Variants in CHRM3 observed in about 807,000 individuals in gnomAD.
The protein encoded by CHRM3 is muscarinic acetylcholine receptor M3.
Under a neutral mutation model 41.8 loss-of-function variants are expected in CHRM3, and 11 were observed. That is an observed-to-expected ratio of 0.26 (90% CI 0.17 to 0.44). The LOEUF (loss-of-function observed/expected upper bound fraction) is 0.44. CHRM3 is among the 20% of genes least tolerant of loss of function. The pLI is 1.00. For missense variants in CHRM3, 571 were observed against 745.4 expected (o/e 0.77, Z 2.72); for synonymous variants, 297 against 301.4 (o/e 0.99, Z 0.15).
rs61834718 is a variant in CHRM3, at chr1:239,458,026, G to A, written c.-520-34683G>A. Among the ~76,000 whole-genome samples, 162 of 151,818 alleles carry A rather than the reference G, an allele frequency of 1.1e-3. 2 individuals carry two copies. The East Asian group carries it at 0.027, about 25-fold the overall frequency. ...GTACTTGTGTTGTTCAGGAAAGTAC[G>A]TGCCACAGGCCACAGTGATAGCTGA... On this transcript the variant is annotated intron_variant, in intron 1 of 6. Transcript: ENST00000676153.
chr1:239,436,769 T>C (rs1016810116), intron 1 of CHRM3, among the ~76,000 whole-genome samples: 1 of 152,108 alleles, frequency 6.6e-6, no homozygotes, highest in Non-Finnish European at 1.5e-5. Flanking sequence ...GGCAAAGATA[T>C]TCATTTTAGT....
chr1:239,446,037 A>G (rs1664106137), intron 1 of CHRM3, among the ~76,000 whole-genome samples: 1 of 152,002 alleles, frequency 6.6e-6, no homozygotes, highest in South Asian at 2.1e-4. Context: ...TCCCGGGTTC[A>G]AGCAATTCTC....
chr1:239,841,469 ATAGAGAGTAAAACTCTAT>A, intron 6 of CHRM3, among the ~76,000 whole-genome samples: 1 of 152,204 alleles, frequency 6.6e-6, no homozygotes, highest in South Asian at 2.1e-4. Context: ...AGGAGGAAAA[ATAGAGAGTAAAACTCTAT>A]TACCTGTTGA....
At chr1:239,490,454 G>T (rs1479788194) in intron 1 of CHRM3, among the ~76,000 whole-genome samples, 1 of 152,186 alleles carries the variant, frequency 6.6e-6, no homozygotes, top group African/African-American at 2.4e-5. Flanking sequence ...TCTGTTAGAA[G>T]TAGAGGCTTC....
chr1:239,436,287 C>T (rs1381700343), intron 1 of CHRM3, among the ~76,000 whole-genome samples: 3 of 152,056 alleles, frequency 2.0e-5, no homozygotes, highest in Admixed American at 6.5e-5. Context: ...TCTGAGCTCC[C>T]GCATCTGAGG....
At chr1:239,433,032 C>T (rs1662949970) in intron 1 of CHRM3, among the ~76,000 whole-genome samples, 1 of 152,136 alleles carries the variant, frequency 6.6e-6, no homozygotes, top group Non-Finnish European at 1.5e-5. Flanking sequence ...CAGCTCAGCG[C>T]TGTGTTTTCA....
chr1:239,482,688 C>T (rs1418271167), intron 1 of CHRM3, among the ~76,000 whole-genome samples: 1 of 152,114 alleles, frequency 6.6e-6, no homozygotes, highest in East Asian at 1.9e-4. Context: ...ATTGCAATGG[C>T]TGGTTTGTCT....
rs186590210 is a variant in CHRM3 at position 239,814,416 on chromosome 1, G to A, written c.-146-12836G>A. The stretch of plus-strand genomic sequence containing the variant: ...AATGGTCATGAGTCACATCAAAGCT[G>A]CCTGGGGCTGGAGATGAATGTAACA... On this transcript the variant is annotated intron_variant, in intron 5 of 6. Transcript: ENST00000676153. 6.3e-3 allele frequency among the ~76,000 whole-genome samples: 965 copies of A among 152,250 alleles called. 4 individuals carry two copies. Among genetic ancestry groups the A allele is most frequent in the Non-Finnish European group, 0.01 (687 of 68,014 alleles).
intron 6 of CHRM3, among the ~76,000 whole-genome samples, chr1:239,888,544 G>C (rs1410055129): frequency 6.6e-6 from 1 of 150,646 alleles, no homozygotes; most frequent in East Asian, 2.0e-4. Flanking sequence ...GTTGCAGTGA[G>C]CCATGATCGC....
chr1:239,639,625 CTT>C (rs1389319682), intron 4 of CHRM3, among the ~76,000 whole-genome samples: 1 of 151,440 alleles, frequency 6.6e-6, no homozygotes, highest in Non-Finnish European at 1.5e-5. Context: ...TATCCTGAGA[CTT>C]TGCTGAAGTT....
chr1:239,486,370 T>A (rs1057423344), intron 1 of CHRM3, among the ~76,000 whole-genome samples: 1 of 152,164 alleles, frequency 6.6e-6, no homozygotes, highest in African/African-American at 2.4e-5. Flanking sequence ...GCTCTCAACT[T>A]GTACCGCCAC....
intron 1 of CHRM3, among the ~76,000 whole-genome samples, chr1:239,484,747 T>G (rs927577863): frequency 6.6e-6 from 1 of 152,078 alleles, no homozygotes; most frequent in Non-Finnish European, 1.5e-5. Context: ...AGGACAGTGG[T>G]GGGCATTGTG....
intron 5 of CHRM3, among the ~76,000 whole-genome samples, chr1:239,736,809 A>G (rs1364497207): frequency 1.3e-5 from 2 of 152,162 alleles, no homozygotes; most frequent in African/African-American, 4.8e-5. Flanking sequence ...AGTAACTTGT[A>G]AAGAATTTGC....
At chr1:239,585,682 T>G (rs1221199651) in intron 3 of CHRM3, among the ~76,000 whole-genome samples, 1 of 152,210 alleles carries the variant, frequency 6.6e-6, no homozygotes, top group East Asian at 1.9e-4. Context: ...GACTGAATAT[T>G]GTAAAAGTCA....
At chr1:239,777,449 T>G (rs550243150) in intron 5 of CHRM3, among the ~76,000 whole-genome samples, 1 of 152,220 alleles carries the variant, frequency 6.6e-6, no homozygotes. Flanking sequence ...TATAAAAATT[T>G]GTTCTGGAAG....
intron 6 of CHRM3, among the ~76,000 whole-genome samples, chr1:239,898,589 A>T (rs1244682565): frequency 2.0e-5 from 3 of 152,192 alleles, no homozygotes; most frequent in African/African-American, 4.8e-5. Context: ...TTAAAAAAAT[A>T]ATTATTATTA....
At chr1:239,632,352 A>G (rs538040324) in intron 4 of CHRM3, 66 bp downstream of exon 4, 1 of 152,352 alleles carries the variant, frequency 6.6e-6, no homozygotes, top group African/African-American at 2.4e-5. Flanking sequence ...ATCTGTGAGA[A>G]CAGATTAACA....
chr1:239,797,558 G>A (rs868650098), intron 5 of CHRM3, among the ~76,000 whole-genome samples: 4 of 152,076 alleles, frequency 2.6e-5, no homozygotes, highest in Admixed American at 2.0e-4. Flanking sequence ...AGTGTGTAGC[G>A]TACAAAAGAG....
At chr1:239,839,456 G>A (rs145897456) in intron 6 of CHRM3, among the ~76,000 whole-genome samples, 38 of 152,294 alleles carry the variant, frequency 2.5e-4, no homozygotes, top group African/African-American at 8.9e-4. Context: ...GAAAGTATGG[G>A]ATATAGGTAG....
Sources: gnomAD v4.1 joint callset for allele counts (sites outside exome capture counted in the v4.1 genomes callset) on GRCh38, gnomAD v4.1.1 for gene constraint, MANE v1.5 for transcripts, NCBI Gene and HGNC (gene_info 2026-07-23, HGNC 2026-07-21) for gene names.